TRIM26: variants seen among roughly 807,000 people sequenced by gnomAD.
TRIM26 encodes the protein tripartite motif-containing protein 26.
A neutral mutation model predicts 45.5 loss-of-function variants in TRIM26; 16 were observed. The ratio of observed to expected loss-of-function variants is 0.35; its 90% CI spans 0.24 to 0.53. The LOEUF (loss-of-function observed/expected upper bound fraction) is 0.53. TRIM26 is among the 20% of genes least tolerant of loss of function. The probability of loss-of-function intolerance (pLI) is 0.92; values close to 1 mark genes in which losing one functional copy is unlikely to be tolerated. For missense variants in TRIM26, 442 were observed against 691.1 expected (o/e 0.64, Z 4.04); for synonymous variants, 273 against 290.4 (o/e 0.94, Z 0.61).
chr6:30,188,303 T>A, intron 9 of TRIM26: 1 of 537,420 alleles, frequency 1.9e-6, no homozygotes, highest in Non-Finnish European at 3.0e-6. Flanking sequence ...TCATCTGTTG[T>A]AACACAAGCA....
Position 30,198,864 on chromosome 6 carries a change from C to T in TRIM26, c.240G>A (p.Arg80=). The change falls in exon 4 of 10, where the codon CGG becomes CGA. Residue 80 remains arginine, a synonymous_variant. Coordinates refer to ENST00000454678, the MANE Select transcript of TRIM26 (RefSeq NM_003449.5). This position sits in a 1 kb window ranked among gnomAD's most constrained non-coding sequence, Gnocchi z 6.3. ...GCTGCCTGCCCTTGTCCACCTTCAG[C>T]CGCTCAATGTTCTCCACCAGGCTGG... is the stretch of plus-strand genomic sequence containing the variant. The part of the protein sequence containing the change: ...QLASLVENIE[R]LKVDKGRQPG... The T allele has an allele frequency of 1.2e-6, 2 of 1,612,998 alleles. No homozygotes were observed. Among genetic ancestry groups the T allele is most frequent in the Non-Finnish European group, 1.7e-6 (2 of 1,180,004 alleles).
intron 9 of TRIM26, chr6:30,187,658 G>A (rs1377242809): frequency 4.1e-5 from 12 of 289,310 alleles, no homozygotes; most frequent in Admixed American, 2.4e-4. Flanking sequence ...GGTGGCTCAC[G>A]CCTATAATCC....
intron 3 of TRIM26, among the ~76,000 whole-genome samples, chr6:30,200,793 T>C (rs1324036757): frequency 6.6e-6 from 1 of 152,194 alleles, no homozygotes; most frequent in Non-Finnish European, 1.5e-5. Context: ...GAGTGATACT[T>C]ACCTTTAAGG....
chr6:30,203,709 G>A (rs367824439), intron 2 of TRIM26, among the ~76,000 whole-genome samples: 55 of 152,174 alleles, frequency 3.6e-4, no homozygotes, highest in East Asian at 1.5e-3. Flanking sequence ...GAGCCACCGC[G>A]CCCGGCTGAG....
chr6:30,189,526 G>A lies in TRIM26; in HGVS notation c.796C>T (p.Arg266Trp), dbSNP rs1055994249. ...DTRDFLNRYP[R>W]KKFWVGKPIA... ...GGTTTCCCAACCCAGAACTTCTTCC[G>A]TGGATACCTAAGAAGATGACATACA... The change falls in exon 8 of 10, where the codon CGG (arginine) becomes TGG (tryptophan). Residue 266 changes from arginine (R) to tryptophan (W), a missense_variant. Coordinates refer to ENST00000454678, the MANE Select transcript of TRIM26 (RefSeq NM_003449.5). This position sits in a 1 kb window ranked among gnomAD's most constrained non-coding sequence, Gnocchi z 5.0. 18 of 1,612,306 alleles carry A rather than the reference G, an allele frequency of 1.1e-5. No individual in the cohort carries two copies. The highest frequency in any genetic ancestry group is 3.3e-5 in the Admixed American group (2 of 59,990).
In TRIM26 at chr6:30,208,902, ATATG is replaced by A. The variant is rs1196239086; in HGVS notation, c.-375-4141_-375-4138del. 9.7e-4 allele frequency among the ~76,000 whole-genome samples: 72 copies of A among 74,578 alleles called. 1 individual carries two copies. The highest frequency in any genetic ancestry group is 3.0e-3 in the African/African-American group (66 of 22,072). 48.9% of individuals were successfully genotyped at this position (74,578 alleles called of 152,430 possible). ...GCCACTCTGGAGGATGGGATATAGA[ATATG>A]TGTGTGTGTGTGTGTGTGTGTGTGT... On this transcript the variant is annotated intron_variant, in intron 1 of 9. Transcript: ENST00000454678.
Position 30,194,864 on chromosome 6 carries a change from C to A in TRIM26, c.765+1652G>T, listed in dbSNP as rs574083922. Among the ~76,000 whole-genome samples the A allele has an allele frequency of 2.0e-5, 3 of 152,210 alleles. No individual in the cohort carries two copies. The South Asian group carries it at 6.2e-4, about 32-fold the overall frequency. On this transcript the variant is annotated intron_variant, in intron 6 of 9. Coordinates refer to ENST00000454678, the MANE Select transcript of TRIM26 (RefSeq NM_003449.5). Reference sequence around the variant, plus strand: ...TGAGCTGAGATCACGCCACTGCACTCCAGCCTGGGAGACAGAGCGAGACTC... The same window carrying A: ...TGAGCTGAGATCACGCCACTGCACTACAGCCTGGGAGACAGAGCGAGACTC...
chr6:30,195,189 C>T (rs1258277444), intron 6 of TRIM26, among the ~76,000 whole-genome samples: 3 of 152,174 alleles, frequency 2.0e-5, no homozygotes, highest in African/African-American at 7.2e-5. Context: ...GGATTTCAGC[C>T]CCACCACATC....
In TRIM26 at chr6:30,186,260, C is replaced by T. The variant is rs148433943; in HGVS notation, c.1236G>A (p.Thr412=). 1.2e-5 allele frequency: 19 copies of T among 1,605,912 alleles called. No individual in the cohort carries two copies. Among genetic ancestry groups the T allele is most frequent in the Non-Finnish European group, 1.4e-5 (17 of 1,175,934 alleles). The change falls in exon 10 of 10, where the codon ACG becomes ACA. Residue 412 remains threonine, a synonymous_variant. Coordinates refer to ENST00000454678, the MANE Select transcript of TRIM26 (RefSeq NM_003449.5). The surrounding 1 kb of genome is among the most constrained non-coding windows in gnomAD (Gnocchi z 7.4). ...GYGDGYDDWE[T]DEDEESLGDE... The stretch of plus-strand genomic sequence containing the variant: ...CGCCCAACGATTCCTCATCTTCGTC[C>T]GTTTCCCAGTCGTCATATCCATCCC...
chr6:30,206,114 C>G (rs1269904116), intron 1 of TRIM26, among the ~76,000 whole-genome samples: 2 of 152,222 alleles, frequency 1.3e-5, no homozygotes, highest in Non-Finnish European at 2.9e-5. Flanking sequence ...GATTAATCCC[C>G]ATATTTTAAT....
intron 6 of TRIM26, among the ~76,000 whole-genome samples, chr6:30,195,188 C>A (rs1393367696): frequency 6.6e-6 from 1 of 152,132 alleles, no homozygotes; most frequent in African/African-American, 2.4e-5. Context: ...TGGATTTCAG[C>A]CCCACCACAT....
At chr6:30,208,904 ATGTGTGTGTGTGTGTGTGTG>A (rs9278612) in intron 1 of TRIM26, among the ~76,000 whole-genome samples, 36 of 140,830 alleles carry the variant, frequency 2.6e-4, no homozygotes, top group African/African-American at 7.4e-4. Flanking sequence ...GATATAGAAT[ATGTGTGTGTGTGTGTGTGTG>A]TGTGTGTGTG....
chr6:30,199,402 C>G (rs1388953888), intron 3 of TRIM26, 138 bp from the exon 4 acceptor site: 7 of 373,330 alleles, frequency 1.9e-5, no homozygotes, highest in Non-Finnish European at 3.3e-5. Context: ...TAGCCTATAC[C>G]TTGCTGTTGG....
Position 30,196,500 on chromosome 6 carries a change from AG to A in TRIM26, c.765+15del. ...CGTCCTGGTCCCTGGCGCCCTGCCC[AG>A]GGACGGCCTCTCACCTGCATGAGCT... is the stretch of plus-strand genomic sequence containing the variant. On this transcript the variant is annotated intron_variant, in intron 6 of 9. Coordinates refer to ENST00000454678, the MANE Select transcript of TRIM26 (RefSeq NM_003449.5). The surrounding 1 kb of genome is among the most constrained non-coding windows in gnomAD (Gnocchi z 4.9). The A allele has an allele frequency of 6.2e-7, 1 of 1,602,172 alleles. No individual in the cohort carries two copies. The highest frequency in any genetic ancestry group is 8.5e-7 in the Non-Finnish European group (1 of 1,178,280).
Position 30,196,797 on chromosome 6 carries a change from G to A in TRIM26, c.535-51C>T, listed in dbSNP as rs1036354063. The stretch of plus-strand genomic sequence containing the variant: ...GGCTGACACCTCTGCTCAGGGTGGA[G>A]GGCCCAGTGCTGGAGGTGTGCAAGG... On this transcript the variant is annotated intron_variant, in intron 5 of 9. Coordinates refer to ENST00000454678, the MANE Select transcript of TRIM26 (RefSeq NM_003449.5). This position sits in a 1 kb window ranked among gnomAD's most constrained non-coding sequence, Gnocchi z 4.9. 3.8e-6 allele frequency: 6 copies of A among 1,588,596 alleles called. No individual in the cohort carries two copies. The highest frequency in any genetic ancestry group is 5.2e-6 in the Non-Finnish European group (6 of 1,159,264).
chr6:30,187,195 G>T, intron 9 of TRIM26: 1 of 277,580 alleles, frequency 3.6e-6, no homozygotes, highest in Admixed American at 4.7e-5. Flanking sequence ...CTCTGCCACA[G>T]CTTGCATCTA....
chr6:30,186,072 C>A lies in TRIM26; in HGVS notation c.1424G>T (p.Ser475Ile). The change falls in exon 10 of 10, where the codon AGC (serine) becomes ATC (isoleucine). Residue 475 changes from serine (S) to isoleucine (I), a missense_variant. Ser to Ile is a moderately radical substitution (Grantham distance 142). Transcript: ENST00000454678. This position sits in a 1 kb window ranked among gnomAD's most constrained non-coding sequence, Gnocchi z 7.4. ...LSSSGIWANT[S>I]PEAELFPALR... ...TGCTGGGAAAAGCTCAGCCTCGGGG[C>A]TGGTGTTGGCCCAGATGCCGGAGGA... 6.3e-7 allele frequency: 1 copy of A among 1,596,782 alleles called. No homozygotes were observed. Among genetic ancestry groups the A allele is most frequent in the Non-Finnish European group, 8.5e-7 (1 of 1,171,864 alleles).
intron 6 of TRIM26, among the ~76,000 whole-genome samples, chr6:30,194,425 T>C (rs1163838902): frequency 1.3e-5 from 2 of 152,234 alleles, no homozygotes; most frequent in Non-Finnish European, 2.9e-5. Context: ...TATAATTAAC[T>C]ATAATTTACT....
rs1447522142 is a variant in TRIM26, at chr6:30,198,670, T to C, written c.434A>G (p.His145Arg). 2 of 1,604,324 alleles carry C rather than the reference T, an allele frequency of 1.2e-6. No homozygotes were observed. The highest frequency in any genetic ancestry group is 2.7e-5 in the African/African-American group (2 of 74,866). The change falls in exon 4 of 10, where the codon CAC becomes CGC. Residue 145 changes from histidine to arginine, a missense_variant. By Grantham distance (29) the His-to-Arg change is conservative. Transcript: ENST00000454678. This position sits in a 1 kb window ranked among gnomAD's most constrained non-coding sequence, Gnocchi z 6.3. ...AVLMEKAAQP[H>R]REKILNHLST... is the part of the protein sequence containing the mutation. The stretch of plus-strand genomic sequence containing the variant: ...TCGGGGGTGAAGAGGGCTTACCCTG[T>C]GGGGCTGGGCGGCCTTCTCCATGAG...
Sources: allele counts gnomAD v4.1 joint callset (sites outside exome capture counted in the v4.1 genomes callset), GRCh38; gene constraint gnomAD v4.1.1; non-coding constraint Gnocchi (gnomAD v3.1); transcripts MANE v1.5; gene names NCBI Gene and HGNC (gene_info 2026-07-23, HGNC 2026-07-21).